THSD7B: variants seen among roughly 807,000 people sequenced by gnomAD.
THSD7B encodes the protein thrombospondin type 1 domain containing 7B.
A neutral mutation model predicts 213.6 loss-of-function variants in THSD7B; 138 were observed. The observed-to-expected ratio is 0.65, with a 90% CI of 0.56 to 0.74. THSD7B has a LOEUF of 0.74. THSD7B is among the 30% of genes least tolerant of loss of function. THSD7B has a pLI of 0.00. For synonymous variants in THSD7B, 742 were observed against 687.0 expected (o/e 1.08, Z -1.25); for missense variants, 1,931 against 1,991.5 (o/e 0.97, Z 0.58).
chr2:137,117,276 A>G (rs1228274982), intron 5 of THSD7B, among the ~76,000 whole-genome samples: 1 of 152,174 alleles, frequency 6.6e-6, no homozygotes, highest in Non-Finnish European at 1.5e-5. Context: ...TACCTTGACA[A>G]ATCTGGAATG....
intron 16 of THSD7B, among the ~76,000 whole-genome samples, chr2:137,569,412 G>T (rs770785830): frequency 6.6e-6 from 1 of 152,116 alleles, no homozygotes; most frequent in Non-Finnish European, 1.5e-5. Flanking sequence ...CTGTTCTCTA[G>T]TCCAAAGACC....
intron 2 of THSD7B, among the ~76,000 whole-genome samples, chr2:136,983,055 T>C (rs1685610030): frequency 6.6e-6 from 1 of 150,884 alleles, no homozygotes; most frequent in Admixed American, 6.7e-5. Context: ...TTGGGGCCCA[T>C]CTACCCTGGA....
chr2:137,175,678 C>G (rs941489422), intron 7 of THSD7B, among the ~76,000 whole-genome samples: 2 of 152,122 alleles, frequency 1.3e-5, no homozygotes, highest in Non-Finnish European at 2.9e-5. Flanking sequence ...ATGGCATGTA[C>G]TTGTAAGCTC....
At chr2:136,967,267 CT>C (rs1217124384) in intron 2 of THSD7B, among the ~76,000 whole-genome samples, 1 of 152,200 alleles carries the variant, frequency 6.6e-6, no homozygotes, top group African/African-American at 2.4e-5. Context: ...TTTTCCTCAC[CT>C]TTCTCCCTGG....
At chr2:137,366,574 C>T (rs1401478699) in intron 12 of THSD7B, among the ~76,000 whole-genome samples, 2 of 151,644 alleles carry the variant, frequency 1.3e-5, no homozygotes, top group Non-Finnish European at 2.9e-5. Flanking sequence ...CTATGTGTTA[C>T]ATCTACTTCT....
intron 2 of THSD7B, among the ~76,000 whole-genome samples, chr2:136,940,404 A>T (rs995667567): frequency 6.6e-6 from 1 of 152,038 alleles, no homozygotes. Context: ...TAAAAATCCC[A>T]TCATCTGTTG....
intron 1 of THSD7B, among the ~76,000 whole-genome samples, chr2:136,856,546 C>T (rs960534019): frequency 6.7e-6 from 1 of 149,854 alleles, no homozygotes; most frequent in African/African-American, 2.5e-5. Flanking sequence ...GACAGAGTCA[C>T]TCTGTCACCC....
At chr2:137,231,316 A>G (rs1271959559) in intron 8 of THSD7B, 81 bp downstream of exon 8, 2 of 1,339,158 alleles carry the variant, frequency 1.5e-6, no homozygotes, top group Non-Finnish European at 2.0e-6. Flanking sequence ...AGAGAAGTTT[A>G]TATGGAGGAA....
At chr2:137,306,590 G>A (rs367741009) in intron 12 of THSD7B, among the ~76,000 whole-genome samples, 6 of 151,786 alleles carry the variant, frequency 4.0e-5, no homozygotes, top group African/African-American at 1.5e-4. Flanking sequence ...TACCTAATGG[G>A]CATAATTTAA....
intron 12 of THSD7B, among the ~76,000 whole-genome samples, chr2:137,294,604 A>G (rs1683412874): frequency 6.8e-6 from 1 of 146,260 alleles, no homozygotes; most frequent in East Asian, 2.0e-4. Context: ...AAAAAAAAAA[A>G]GAAAGGGAGA....
chr2:137,057,112 A>G lies in THSD7B; in HGVS notation c.832A>G (p.Thr278Ala), dbSNP rs370275846. 3.0e-5 allele frequency: 49 copies of G among 1,613,882 alleles called. No homozygotes were observed. In the Middle Eastern group the frequency reaches 6.6e-4, roughly 22 times the overall value. The change falls in exon 3 of 28, where the codon ACC becomes GCC. Residue 278 changes from threonine to alanine, a missense_variant. Coordinates refer to ENST00000409968, the MANE Select transcript of THSD7B (RefSeq NM_001316349.2). ...TAACTCTGATTCAAATGAGCGAGTC[A>G]CCTTTAAACATCAAAGTTACAAAGC... The part of the protein sequence containing the change: ...DFNSDSNERV[T>A]FKHQSYKAHH...
chr2:137,426,197 A>G (rs1687050264), intron 14 of THSD7B, among the ~76,000 whole-genome samples: 1 of 152,186 alleles, frequency 6.6e-6, no homozygotes, highest in Admixed American at 6.5e-5. Context: ...AAATGGAAAG[A>G]TATCCTGTTT....
At chr2:137,602,216 T>C (rs527769784) in intron 17 of THSD7B, among the ~76,000 whole-genome samples, 1 of 152,322 alleles carries the variant, frequency 6.6e-6, no homozygotes, top group South Asian at 2.1e-4. Context: ...CCAGACTGCA[T>C]AATTTATAAA....
chr2:137,316,765 A>G (rs369204422), intron 12 of THSD7B, among the ~76,000 whole-genome samples: 47,391 of 142,134 alleles, frequency 0.33, 9,349 homozygotes, highest in Non-Finnish European at 0.46. Context: ...CTCAAAAAAA[A>G]AAAAGAAAAA....
chr2:137,121,477 G>C (rs9287462), intron 5 of THSD7B, among the ~76,000 whole-genome samples: 102,270 of 152,122 alleles, frequency 0.67, 36,377 homozygotes, highest in Non-Finnish European at 0.78. Flanking sequence ...ATTCACTAAT[G>C]TGTGTTGCTG....
chr2:136,834,944 C>CT (rs1470547720), intron 1 of THSD7B, among the ~76,000 whole-genome samples: 1 of 152,108 alleles, frequency 6.6e-6, no homozygotes, highest in Non-Finnish European at 1.5e-5. Context: ...TCCCCATTGT[C>CT]TTTTTTTCCC....
intron 17 of THSD7B, among the ~76,000 whole-genome samples, chr2:137,585,667 C>T (rs955391364): frequency 6.6e-6 from 1 of 152,074 alleles, no homozygotes. Flanking sequence ...GTTTCTTAAT[C>T]CTGAGTTCTA....
chr2:136,847,789 T>C (rs1683034930), intron 1 of THSD7B, among the ~76,000 whole-genome samples: 1 of 152,184 alleles, frequency 6.6e-6, no homozygotes, highest in South Asian at 2.1e-4. Context: ...TTGCCTTTAA[T>C]GTTTACCTTA....
chr2:137,214,795 G>A (rs1681199737), intron 7 of THSD7B, among the ~76,000 whole-genome samples: 1 of 152,138 alleles, frequency 6.6e-6, no homozygotes, highest in Admixed American at 6.6e-5. Flanking sequence ...AGTCTTCCAT[G>A]TTGTATATGT....
Sources: gnomAD v4.1 joint callset for allele counts (sites outside exome capture counted in the v4.1 genomes callset) on GRCh38, gnomAD v4.1.1 for gene constraint, MANE v1.5 for transcripts, NCBI Gene and HGNC (gene_info 2026-07-23, HGNC 2026-07-21) for gene names.